Variants in TNKS1BP1 observed in about 807,000 individuals in gnomAD.
TNKS1BP1 encodes the protein CCR4-NOT transcription complex subunit 12.
A neutral mutation model predicts 141.1 loss-of-function variants in TNKS1BP1; 48 were observed. The ratio of observed to expected loss-of-function variants is 0.34; its 90% confidence interval spans 0.27 to 0.43. The LOEUF is 0.43. Among genes scored for constraint, TNKS1BP1 ranks in the 20% least tolerant of loss-of-function variants. The pLI is 1.00. For missense variants in TNKS1BP1, 2,149 were observed against 2,226.0 expected (o/e 0.97, Z 0.70); for synonymous variants, 875 against 898.2 (o/e 0.97, Z 0.46).
At position 57,302,711 on chromosome 11, in the gene TNKS1BP1, G is replaced by C. The variant is rs1458669709; in HGVS notation, c.4431C>G (p.Gly1477=). Residue 1477 remains glycine, a synonymous_variant, in exon 7 of 12, where the codon GGC becomes GGG. Coordinates refer to ENST00000358252, the MANE Select transcript of TNKS1BP1 (RefSeq NM_033396.3). This position sits in a 1 kb window ranked among gnomAD's most constrained non-coding sequence, Gnocchi z 5.5. ...CTTCCTCCTCCAACAGGCCCCCAAG[G>C]CCCGAGGCCGCTGACTCCCTCCGAG... The part of the protein sequence containing the change: ...AVARRESAAS[G]LGGLLEEEGA... 2 of 1,600,340 alleles carry C rather than the reference G, an allele frequency of 1.2e-6. No homozygotes were observed. The highest frequency in any genetic ancestry group is 1.7e-6 in the Non-Finnish European group (2 of 1,176,642).
rs756037616 is a variant in TNKS1BP1 at position 57,320,344 on chromosome 11, G to A, written c.463C>T (p.Arg155Cys). 28 of 1,614,034 alleles carry A rather than the reference G, an allele frequency of 1.7e-5. No homozygotes were observed. The highest frequency in any genetic ancestry group is 4.5e-5 in the East Asian group (2 of 44,896). ...APAPFRPASE[R>C]FAATTVEEIL... ...TCTTCCACCGTGGTGGCCGCGAAGC[G>A]CTCTGAGGCTGGGCGGAAAGGGGCA... Residue 155 changes from arginine to cysteine, a missense_variant, in exon 3 of 12, where the codon CGC becomes TGC. Transcript: ENST00000358252.
At chr11:57,308,308 G>C (rs1023002664) in intron 6 of TNKS1BP1, 87 bp downstream of exon 6, 3 of 1,500,930 alleles carry the variant, frequency 2.0e-6, no homozygotes, top group African/African-American at 1.4e-5. Context: ...AGGAAAAACT[G>C]TTTCTTCCCT....
chr11:57,324,804 G>A lies in TNKS1BP1; in HGVS notation c.-66+36C>T, dbSNP rs928824740. 5.2e-6 allele frequency: 5 copies of A among 963,574 alleles called. No individual in the cohort carries two copies. The East Asian group carries it at 4.7e-4, about 91-fold the overall frequency. The allele number at this position is 963,574 out of a possible 1,614,324, so 59.7% of individuals were successfully genotyped here. On this transcript the variant is annotated intron_variant, in intron 1 of 11. Coordinates refer to ENST00000358252, the MANE Select transcript of TNKS1BP1 (RefSeq NM_033396.3). ...CCTCCCCCGCCCCATCCCGGACCCC[G>A]CCCCCTCCTTCGCCCGACCGCCCCC...
chr11:57,302,608 C>T lies in TNKS1BP1; in HGVS notation c.4534G>A (p.Asp1512Asn), dbSNP rs1855543612. ...TCTTCTGTCTGGCTGGCCTCACCAT[C>T]AGGCTGCGGCCTCCAGGAGGGTGGA... ...DSPPSWRPQP[D>N]GEASQTEDVD... Residue 1512 changes from aspartate to asparagine, a missense_variant, in exon 7 of 12, where the codon GAT (aspartate) becomes AAT (asparagine). By Grantham distance (23) the Asp-to-Asn change is conservative (BLOSUM62 1). Transcript: ENST00000358252. This position sits in a 1 kb window ranked among gnomAD's most constrained non-coding sequence, Gnocchi z 5.5. The T allele has an allele frequency of 6.2e-7, 1 of 1,612,712 alleles. No homozygotes were observed. The highest frequency in any genetic ancestry group is 8.5e-7 in the Non-Finnish European group (1 of 1,179,896).
Position 57,323,654 on chromosome 11 carries a change from G to A in TNKS1BP1, c.-66+1186C>T, listed in dbSNP as rs112884756. ...AGAAACCCAGTACTGTCAACCCATT[G>A]GTCAGTTAACCACCACGGAAGACTG... On this transcript the variant is annotated intron_variant, in intron 1 of 11. Coordinates refer to ENST00000358252, the MANE Select transcript of TNKS1BP1 (RefSeq NM_033396.3). Among the ~76,000 whole-genome samples, 356 of 152,258 alleles carry A rather than the reference G, an allele frequency of 2.3e-3. 1 individual carries two copies. The highest frequency in any genetic ancestry group is 4.2e-3 in the Non-Finnish European group (289 of 68,036).
At chr11:57,307,564 C>T (rs1174136068) in intron 6 of TNKS1BP1, among the ~76,000 whole-genome samples, 1 of 152,160 alleles carries the variant, frequency 6.6e-6, no homozygotes, top group East Asian at 1.9e-4. Context: ...TTATAAAAGC[C>T]CCTGCCCCAC....
rs758234725 is a variant in TNKS1BP1 at position 57,312,868 on chromosome 11, G to A, written c.1820C>T (p.Thr607Ile). 1 of 1,608,680 alleles carries A rather than the reference G, an allele frequency of 6.2e-7. No individual in the cohort carries two copies. The highest frequency in any genetic ancestry group is 1.1e-5 in the South Asian group (1 of 90,366). The change falls in exon 5 of 12, where the codon ACC (threonine) becomes ATC (isoleucine). Residue 607 changes from threonine to isoleucine, a missense_variant. Coordinates refer to ENST00000358252, the MANE Select transcript of TNKS1BP1 (RefSeq NM_033396.3). Reference protein sequence around the residue: ...AGQESPLPLATREAALPILEP... With the variant: ...AGQESPLPLAIREAALPILEP... Reference sequence around the variant, plus strand: ...CAGGATGGGCAAGGCTGCCTCCCTGGTAGCCAGGGGGAGAGGGGACTCCTG... The same window carrying A: ...CAGGATGGGCAAGGCTGCCTCCCTGATAGCCAGGGGGAGAGGGGACTCCTG...
At chr11:57,306,685 G>C (rs144973414) in intron 6 of TNKS1BP1, among the ~76,000 whole-genome samples, 4 of 152,054 alleles carry the variant, frequency 2.6e-5, no homozygotes, top group African/African-American at 9.7e-5. Flanking sequence ...CCCTGAACTC[G>C]GGTTAAAGTC....
chr11:57,324,647 A>T (rs1855939271), intron 1 of TNKS1BP1, among the ~76,000 whole-genome samples, 193 bp downstream of exon 1: 1 of 143,988 alleles, frequency 6.9e-6, no homozygotes, highest in African/African-American at 2.6e-5. Flanking sequence ...GCCTCCGCGC[A>T]CACGCGCCAC....
Position 57,324,949 on chromosome 11 carries a change from C to T in TNKS1BP1, c.-175G>A. On this transcript the variant is annotated 5_prime_UTR_variant, in exon 1 of 12. The change creates a new upstream start codon in the 5' untranslated region. Transcript: ENST00000358252. ...CCGCCGTCACCGCGGGACGAAGCCACTGCGAGCCCCGGCGGGGCCCCGCCC... is the reference window on the plus strand; with the variant it reads ...CCGCCGTCACCGCGGGACGAAGCCATTGCGAGCCCCGGCGGGGCCCCGCCC... 1.0e-6 allele frequency: 1 copy of T among 990,090 alleles called. No homozygotes were observed. Among genetic ancestry groups the T allele is most frequent in the Non-Finnish European group, 1.2e-6 (1 of 833,556 alleles). 61.3% of individuals were successfully genotyped at this position (990,090 alleles called of 1,614,324 possible).
intron 6 of TNKS1BP1, among the ~76,000 whole-genome samples, chr11:57,306,135 G>A (rs952449369): frequency 3.3e-5 from 5 of 152,056 alleles, no homozygotes; most frequent in African/African-American, 4.8e-5. Flanking sequence ...AAAATTAGCC[G>A]GGCGTGGTGA....
Position 57,312,640 on chromosome 11 carries a change from CG to C in TNKS1BP1, c.2047del (p.Arg683AlafsTer25). 6.3e-7 allele frequency: 1 copy of C among 1,582,708 alleles called. No individual in the cohort carries two copies. The highest frequency in any genetic ancestry group is 8.6e-7 in the Non-Finnish European group (1 of 1,164,974). The stretch of plus-strand genomic sequence containing the variant: ...TGAAGCCAGGAGGTCGTCCAGCCAG[CG>C]GGAGCTGCTTTCAGGGCCTGGAGGC... ...PEPPGPESSS[R>X]WLDDLLASPP... On this transcript the variant is annotated frameshift_variant, in exon 5 of 12. Coordinates refer to ENST00000358252, the MANE Select transcript of TNKS1BP1 (RefSeq NM_033396.3). LOFTEE classifies it high-confidence loss of function.
rs766464702 is a variant in TNKS1BP1, at chr11:57,313,845, C to A, written c.843G>T (p.Glu281Asp). The A allele has an allele frequency of 1.3e-6, 2 of 1,526,284 alleles. No individual in the cohort carries two copies. Among genetic ancestry groups the A allele is most frequent in the East Asian group, 2.3e-5 (1 of 43,772 alleles). 94.5% of individuals were successfully genotyped at this position (1,526,284 alleles called of 1,614,324 possible). A position where few individuals can be genotyped will look rare whatever the true frequency, so the allele number is the denominator to read the frequency against. Residue 281 changes from glutamate to aspartate, a missense_variant, in exon 5 of 12, where the codon GAG becomes GAT. Physicochemically the swap from Glu to Asp is conservative, Grantham distance 45 (BLOSUM62 2). Coordinates refer to ENST00000358252, the MANE Select transcript of TNKS1BP1 (RefSeq NM_033396.3). ...WIPSSPAPSS[E>D]NGGPASPGLP... Reference sequence around the variant, plus strand: ...GGCCTGGGCTGGCAGGGCCTCCATTCTCTGAGGAGGGGGCTGGACTTGAGG... The same window carrying A: ...GGCCTGGGCTGGCAGGGCCTCCATTATCTGAGGAGGGGGCTGGACTTGAGG...
At position 57,300,901 on chromosome 11, in the gene TNKS1BP1, C is replaced by T. The variant is rs1322528313; in HGVS notation, c.5112G>A (p.Lys1704=). 1 of 1,613,820 alleles carries T rather than the reference C, an allele frequency of 6.2e-7. No homozygotes were observed. The highest frequency in any genetic ancestry group is 8.5e-7 in the Non-Finnish European group (1 of 1,179,920). The part of the protein sequence containing the change: ...GLGKPLTLPP[K]PEKSSGSEGS... Reference sequence around the variant, plus strand: ...TCACCTACCCTGAGGATTTCTCTGGCTTGGGAGGTAACGTGAGGGGCTTTC... The same window carrying T: ...TCACCTACCCTGAGGATTTCTCTGGTTTGGGAGGTAACGTGAGGGGCTTTC... The change falls in exon 10 of 12, where the codon AAG becomes AAA. Residue 1704 remains lysine, a synonymous_variant. Transcript: ENST00000358252.
chr11:57,312,491 C>T, intron 5 of TNKS1BP1, 43 bp downstream of exon 5: 2 of 1,418,310 alleles, frequency 1.4e-6, no homozygotes, highest in Middle Eastern at 1.9e-4. Context: ...CAAGCCCTGG[C>T]CTCTGTCCCC....
intron 1 of TNKS1BP1, among the ~76,000 whole-genome samples, chr11:57,323,905 G>A (rs941163177): frequency 6.6e-6 from 1 of 152,224 alleles, no homozygotes; most frequent in Admixed American, 6.5e-5. Context: ...ATGAGGGGCT[G>A]CAGCAATGAA....
chr11:57,320,022 A>C, intron 3 of TNKS1BP1, 57 bp downstream of exon 3: 6 of 1,118,684 alleles, frequency 5.4e-6, no homozygotes, highest in East Asian at 3.1e-5. Context: ...CCCCCACCCA[A>C]TCCCACCCCA....
At chr11:57,311,597 C>T (rs1183300507) in intron 5 of TNKS1BP1, 1 of 339,656 alleles carries the variant, frequency 2.9e-6, no homozygotes, top group African/African-American at 2.2e-5. Flanking sequence ...AGCTTAACCC[C>T]TTCCTGCTCC....
intron 3 of TNKS1BP1, among the ~76,000 whole-genome samples, chr11:57,318,704 C>T (rs1855833979): frequency 6.6e-6 from 1 of 152,264 alleles, no homozygotes; most frequent in East Asian, 1.9e-4. Context: ...CAGCCTCTTC[C>T]TCCAAAGTCC....
Sources: gnomAD v4.1 joint callset for allele counts (sites outside exome capture counted in the v4.1 genomes callset) on GRCh38, gnomAD v4.1.1 for gene constraint, Gnocchi (gnomAD v3.1) non-coding constraint, MANE v1.5 for transcripts, NCBI Gene and HGNC (gene_info 2026-07-23, HGNC 2026-07-21) for gene names.